Variants in RANBP2 observed in about 807,000 individuals in gnomAD.
The protein encoded by RANBP2 is RAN binding protein 2.
RANBP2 carries 57 observed loss-of-function variants against 303.6 expected under a neutral mutation model. The ratio of observed to expected loss-of-function variants is 0.19; its 90% CI spans 0.15 to 0.23. The LOEUF (loss-of-function observed/expected upper bound fraction) is 0.23. Among genes scored for constraint, RANBP2 ranks in the 10% least tolerant of loss-of-function variants. The pLI, the probability that RANBP2 is intolerant of heterozygous loss-of-function variation, is 1.00. For missense variants in RANBP2, 3,138 were observed against 3,780.8 expected (o/e 0.83, Z 4.46); for synonymous variants, 1,167 against 1,301.5 (o/e 0.90, Z 2.23).
the RANBP2 span, among the ~76,000 whole-genome samples, chr2:109,520,630 A>G: frequency 0.04 from 3,863 of 96,616 alleles, 394 homozygotes; most frequent in African/African-American, 0.11. Flanking sequence ...AAAAAGAAAA[A>G]AAAGAATTAT....
the RANBP2 span, among the ~76,000 whole-genome samples, chr2:108,805,521 C>T: frequency 1.3e-5 from 2 of 151,468 alleles, no homozygotes; most frequent in East Asian, 1.9e-4. Context: ...GTCAGGAGTT[C>T]GAGACCATCC....
the RANBP2 span, among the ~76,000 whole-genome samples, chr2:109,470,930 A>G: frequency 6.6e-6 from 1 of 152,332 alleles, no homozygotes; most frequent in Non-Finnish European, 1.5e-5. Context: ...AAGAAATACC[A>G]GAGACTAGGC....
the RANBP2 span, among the ~76,000 whole-genome samples, chr2:109,694,682 C>G: frequency 6.6e-6 from 1 of 152,054 alleles, no homozygotes; most frequent in African/African-American, 2.4e-5. Context: ...GTGAAGAGCT[C>G]CAATGAGCAT....
chr2:108,737,707 C>A (rs2149139729), intron 6 of RANBP2, among the ~76,000 whole-genome samples: 1 of 148,662 alleles, frequency 6.7e-6, no homozygotes, highest in Admixed American at 6.7e-5. Context: ...CGCCACCACA[C>A]CTGGCTAATT....
chr2:108,778,163 A>C (rs968305350), intron 25 of RANBP2, among the ~76,000 whole-genome samples: 1 of 152,186 alleles, frequency 6.6e-6, no homozygotes, highest in Admixed American at 6.5e-5. Flanking sequence ...GCTCCTTGTT[A>C]CTCAGTGTAG....
At chr2:109,116,958 C>A in the RANBP2 span, among the ~76,000 whole-genome samples, 1 of 152,202 alleles carries the variant, frequency 6.6e-6, no homozygotes, top group African/African-American at 2.4e-5. Context: ...TTTTCATGAA[C>A]CTCGAATGCT....
chr2:109,516,905 C>G, the RANBP2 span, among the ~76,000 whole-genome samples: 1 of 152,168 alleles, frequency 6.6e-6, no homozygotes. Context: ...GATCTTGATG[C>G]CAGAGGTAGG....
At chr2:108,911,863 G>T in the RANBP2 span, among the ~76,000 whole-genome samples, 1 of 152,196 alleles carries the variant, frequency 6.6e-6, no homozygotes, top group Non-Finnish European at 1.5e-5. Context: ...TCCCCTGTGG[G>T]TGCATCTGCA....
chr2:109,251,785 TTAGA>T, the RANBP2 span: 114 of 524,446 alleles, frequency 2.2e-4, no homozygotes, highest in Admixed American at 2.7e-3. Flanking sequence ...AAAAAAAGAA[TTAGA>T]TAATACTAAA....
At chr2:108,962,734 T>C in the RANBP2 span, among the ~76,000 whole-genome samples, 1 of 148,590 alleles carries the variant, frequency 6.7e-6, no homozygotes, top group Non-Finnish European at 1.5e-5. Context: ...GGGCCTCCCA[T>C]GCCAAGGCCA....
At chr2:109,024,010 C>T in the RANBP2 span, among the ~76,000 whole-genome samples, 1 of 152,158 alleles carries the variant, frequency 6.6e-6, no homozygotes, top group Admixed American at 6.5e-5. Flanking sequence ...ACCACAACCT[C>T]CACCTCCCGG....
At position 108,766,028 on chromosome 2, in the gene RANBP2, A is replaced by G. The variant is rs760578682; in HGVS notation, c.5489A>G (p.His1830Arg). Residue 1830 changes from histidine to arginine, a missense_variant, in exon 20 of 29, where the codon CAT becomes CGT. His to Arg is a conservative substitution (Grantham distance 29, BLOSUM62 0). Around this residue, in one of 20 missense-constraint regions of RANBP2, gnomAD observed 348 missense variants for 360.4 expected, o/e 0.97. Coordinates refer to ENST00000283195, the MANE Select transcript of RANBP2 (RefSeq NM_006267.5). The part of the protein sequence containing the change: ...AFTLGSEMKL[H>R]DSSGSQVGTG... ...ACACTGGGCTCAGAAATGAAGTTGCATGACTCTTCTGGAAGTCAGGTGGGA... is the reference window on the plus strand; with the variant it reads ...ACACTGGGCTCAGAAATGAAGTTGCGTGACTCTTCTGGAAGTCAGGTGGGA... 1.9e-6 allele frequency: 3 copies of G among 1,614,186 alleles called. No individual in the cohort carries two copies. Among genetic ancestry groups the G allele is most frequent in the Admixed American group, 1.7e-5 (1 of 60,026 alleles).
the RANBP2 span, among the ~76,000 whole-genome samples, chr2:109,198,708 ATC>A: frequency 6.6e-6 from 1 of 152,266 alleles, no homozygotes; most frequent in South Asian, 2.1e-4. Flanking sequence ...AAGGGGACTA[ATC>A]CCATTCGTGA....
the RANBP2 span, among the ~76,000 whole-genome samples, chr2:109,203,963 G>GCT: frequency 1.3e-5 from 2 of 152,228 alleles, no homozygotes; most frequent in Admixed American, 1.3e-4. Context: ...TCTGCACGGT[G>GCT]CTCCAGTGTG....
At chr2:109,171,383 G>A in the RANBP2 span, among the ~76,000 whole-genome samples, 1 of 152,182 alleles carries the variant, frequency 6.6e-6, no homozygotes, top group Non-Finnish European at 1.5e-5. Context: ...TTTGTTGTTA[G>A]TGACTATGAA....
At chr2:108,839,131 A>G in the RANBP2 span, 1 of 1,516,208 alleles carries the variant, frequency 6.6e-7, no homozygotes, top group Admixed American at 2.2e-5. Flanking sequence ...AATTGATTTA[A>G]GACATTTAAA....
the RANBP2 span, among the ~76,000 whole-genome samples, chr2:109,413,958 G>A: frequency 6.6e-6 from 1 of 152,232 alleles, no homozygotes; most frequent in Non-Finnish European, 1.5e-5. Context: ...GTGCATGTCA[G>A]CATTCCCAAG....
the RANBP2 span, chr2:108,804,827 T>A: frequency 7.5e-7 from 1 of 1,342,218 alleles, no homozygotes; most frequent in South Asian, 2.5e-5. Context: ...TCACGTTCCA[T>A]AGTATTAGTG....
the RANBP2 span, among the ~76,000 whole-genome samples, chr2:109,122,954 C>G: frequency 6.6e-6 from 1 of 152,204 alleles, no homozygotes; most frequent in African/African-American, 2.4e-5. Context: ...TTTAATTCCT[C>G]TCACCTCAAG....
Sources: gnomAD v4.1 joint callset for allele counts (sites outside exome capture counted in the v4.1 genomes callset) on GRCh38, gnomAD v4.1.1 for gene constraint, gnomAD v4.1.1 regional missense constraint, MANE v1.5 for transcripts, NCBI Gene and HGNC (gene_info 2026-07-23, HGNC 2026-07-21) for gene names.